Variants in MREG observed in about 807,000 individuals in gnomAD.
MREG encodes the protein melanoregulin.
MREG carries 31 observed loss-of-function variants against 28.5 expected under a neutral mutation model. The observed-to-expected ratio is 1.09, with a 90% CI of 0.82 to 1.47. The LOEUF (loss-of-function observed/expected upper bound fraction) is 1.47. Ranked by LOEUF, MREG falls within the 40% of genes most tolerant of loss-of-function variation. The pLI is 0.00. For missense variants in MREG, 256 were observed against 257.4 expected, an observed-to-expected ratio of 0.99 and a Z score of 0.04; for synonymous variants, 106 against 95.2, an observed-to-expected ratio of 1.11 and a Z score of -0.66.
At chr2:215,948,064 G>A (rs1357765762) in intron 2 of MREG, among the ~76,000 whole-genome samples, 2 of 152,136 alleles carry the variant, frequency 1.3e-5, no homozygotes, top group East Asian at 3.8e-4. Flanking sequence ...CATTCTAAAT[G>A]CTCAATTTAG....
intron 2 of MREG, among the ~76,000 whole-genome samples, chr2:215,976,309 G>C (rs1182237902): frequency 6.6e-6 from 1 of 152,098 alleles, no homozygotes. Context: ...TCTTCAACTA[G>C]AGCCTTTATT....
In MREG at chr2:215,947,120, G is replaced by A. The variant is rs1692345135; in HGVS notation, c.256-7C>T. On this transcript the variant is annotated splice_region_variant and splice_polypyrimidine_tract_variant and intron_variant, in intron 2 of 4. Coordinates refer to ENST00000263268, the MANE Select transcript of MREG (RefSeq NM_018000.3). ...AGTTGAGCTTCTGCCACTCCTGCAG[G>A]AAAATAAAAGTTTAGTTTTATTTAT... 8 of 1,599,996 alleles carry A rather than the reference G, an allele frequency of 5.0e-6. No individual in the cohort carries two copies. Among genetic ancestry groups the A allele is most frequent in the Non-Finnish European group, 6.0e-6 (7 of 1,169,122 alleles).
At chr2:215,971,058 T>C (rs1408264813) in intron 2 of MREG, among the ~76,000 whole-genome samples, 1 of 152,050 alleles carries the variant, frequency 6.6e-6, no homozygotes, top group African/African-American at 2.4e-5. Context: ...ACACCACATG[T>C]TCTGACTCAT....
chr2:215,983,468 A>G (rs1452605897), intron 2 of MREG, among the ~76,000 whole-genome samples: 1 of 152,210 alleles, frequency 6.6e-6, no homozygotes, highest in Non-Finnish European at 1.5e-5. Context: ...TGACCCAGAC[A>G]TTGGAGACAG....
chr2:216,012,342 G>A (rs1694336524), intron 1 of MREG, among the ~76,000 whole-genome samples: 1 of 152,138 alleles, frequency 6.6e-6, no homozygotes, highest in African/African-American at 2.4e-5. Context: ...GGGGGTGTTT[G>A]GACTTGATAG....
rs968890764 is a variant in MREG at position 215,943,050 on chromosome 2, T to C, written c.*1813A>G. ...ACACGGATCTCGCCTATGAAATATT[T>C]TAAACATTGTGGACGCTACCAAAAA... is the stretch of plus-strand genomic sequence containing the variant. On this transcript the variant is annotated 3_prime_UTR_variant, in exon 5 of 5. Transcript: ENST00000263268. 3 of 157,686 alleles carry C rather than the reference T, an allele frequency of 1.9e-5. No homozygotes were observed. Among genetic ancestry groups the C allele is most frequent in the African/African-American group, 4.8e-5 (2 of 41,548 alleles). The allele number at this position is 157,686 out of a possible 1,614,324, so 9.8% of individuals were successfully genotyped here.
At chr2:215,955,021 G>A (rs1244398058) in intron 2 of MREG, among the ~76,000 whole-genome samples, 1 of 152,068 alleles carries the variant, frequency 6.6e-6, no homozygotes, top group Non-Finnish European at 1.5e-5. Flanking sequence ...TATTTGTTAA[G>A]GTAATACATT....
At chr2:215,946,949 C>CT in intron 3 of MREG, 74 bp downstream of exon 3, 1 of 882,024 alleles carries the variant, frequency 1.1e-6, no homozygotes, top group African/African-American at 1.7e-5. Context: ...TTTATAAAAA[C>CT]CATGGTGGAG....
chr2:216,005,453 T>TC (rs1694126122), intron 1 of MREG, among the ~76,000 whole-genome samples: 1 of 112,176 alleles, frequency 8.9e-6, no homozygotes, highest in African/African-American at 6.9e-5. Context: ...TCTTTTTTTT[T>TC]TTTTTTTTTT....
Position 215,996,455 on chromosome 2 carries a change from G to A in MREG, c.106C>T (p.Pro36Ser), listed in dbSNP as rs769794023. Residue 36 changes from proline (P) to serine (S), a missense_variant, in exon 2 of 5, where the codon CCA becomes TCA. Physicochemically the swap from Pro to Ser is moderately conservative, Grantham distance 74. Coordinates refer to ENST00000263268, the MANE Select transcript of MREG (RefSeq NM_018000.3). ...EKEPLVSDNN[P>S]YSSFGATLVR... ...AGAGTTGCTCCAAATGAGGAATATG[G>A]ATTGTTATCACTGTTGTATAAAAAA... The A allele has an allele frequency of 1.2e-6, 2 of 1,611,086 alleles. No individual in the cohort carries two copies. The highest frequency in any genetic ancestry group is 1.7e-6 in the Non-Finnish European group (2 of 1,178,530).
chr2:216,031,553 G>A (rs141710843), intron 1 of MREG, among the ~76,000 whole-genome samples: 1,562 of 140,220 alleles, frequency 0.011, 24 homozygotes, highest in African/African-American at 0.037. Context: ...GAAGGAAAGA[G>A]GGAGGGAGGG....
In MREG at chr2:215,998,320, A is replaced by AAAT. The variant is rs961263080; in HGVS notation, c.96-1858_96-1856dup. ...AACTCCATCTCACAAAAAAAAAAAAAAATAATAATAATAATAATAATAATA... is the reference window on the plus strand; with the variant it reads ...AACTCCATCTCACAAAAAAAAAAAAAAATAATAATAATAATAATAATAATAATA... On this transcript the variant is annotated intron_variant, in intron 1 of 4. Transcript: ENST00000263268. Among the ~76,000 whole-genome samples the AAAT allele has an allele frequency of 2.7e-3, 375 of 138,868 alleles. 1 individual carries two copies. The highest frequency in any genetic ancestry group is 4.1e-3 in the Non-Finnish European group (268 of 65,296). The allele number at this position is 138,868 out of a possible 152,430, so 91.1% of individuals were successfully genotyped here.
At chr2:216,009,368 G>T (rs1409289510) in intron 1 of MREG, among the ~76,000 whole-genome samples, 1 of 152,144 alleles carries the variant, frequency 6.6e-6, no homozygotes, top group Admixed American at 6.5e-5. Flanking sequence ...TGCTAAGTGG[G>T]GGTTGGGTGC....
intron 1 of MREG, among the ~76,000 whole-genome samples, chr2:216,003,688 G>A (rs929500226): frequency 1.3e-5 from 2 of 152,070 alleles, no homozygotes; most frequent in Non-Finnish European, 2.9e-5. Context: ...CCCATCCACA[G>A]GCTCCCCACT....
At chr2:216,029,371 A>G (rs1694645404) in intron 1 of MREG, among the ~76,000 whole-genome samples, 1 of 152,126 alleles carries the variant, frequency 6.6e-6, no homozygotes, top group Non-Finnish European at 1.5e-5. Context: ...CCAGCTACTC[A>G]GGAGGCTGAG....
At chr2:216,021,800 A>G (rs1259995192) in intron 1 of MREG, among the ~76,000 whole-genome samples, 1 of 152,230 alleles carries the variant, frequency 6.6e-6, no homozygotes, top group East Asian at 1.9e-4. Flanking sequence ...ATTGTTAAGT[A>G]TTCATACTTT....
chr2:215,996,249 A>G, intron 2 of MREG, 57 bp downstream of exon 2: 1 of 1,501,438 alleles, frequency 6.7e-7, no homozygotes, highest in Non-Finnish European at 8.9e-7. Context: ...CTCAGGAATT[A>G]CTATTTTTTA....
intron 1 of MREG, among the ~76,000 whole-genome samples, chr2:216,030,946 TCTCTCTCTCTCACACA>T (rs755515397): frequency 0.036 from 3,166 of 89,078 alleles, 79 homozygotes; most frequent in African/African-American, 0.097. Flanking sequence ...TCTCTCTCTC[TCTCTCTCTCTCACACA>T]CACACACACA....
rs79160887 is a variant in MREG at position 216,007,740 on chromosome 2, G to A, written c.95+5493C>T. On this transcript the variant is annotated intron_variant, in intron 1 of 4. Coordinates refer to ENST00000263268, the MANE Select transcript of MREG (RefSeq NM_018000.3). Reference sequence around the variant, plus strand: ...CCACTGCACCCAACCCCCACTTAGCGGCTTTTTTTTTGCATTTTTGTACTT... The same window carrying A: ...CCACTGCACCCAACCCCCACTTAGCAGCTTTTTTTTTGCATTTTTGTACTT... Among the ~76,000 whole-genome samples the A allele has an allele frequency of 0.014, 1,045 of 77,276 alleles. 42 individuals carry two copies. In the East Asian group the frequency reaches 0.17, roughly 13 times the overall value. 50.7% of individuals were successfully genotyped at this position (77,276 alleles called of 152,430 possible). A position where few individuals can be genotyped will look rare whatever the true frequency, so the allele number is the denominator to read the frequency against.
Sources: gnomAD v4.1 joint callset for allele counts (sites outside exome capture counted in the v4.1 genomes callset) on GRCh38, gnomAD v4.1.1 for gene constraint, MANE v1.5 for transcripts, NCBI Gene and HGNC (gene_info 2026-07-23, HGNC 2026-07-21) for gene names.